GALNT18: variants seen among roughly 807,000 people sequenced by gnomAD.
The protein encoded by GALNT18 is GalNAc-transferase 18.
GALNT18 carries 44 observed loss-of-function variants against 69.5 expected under a neutral mutation model. The ratio of observed to expected loss-of-function variants is 0.63; its 90% CI spans 0.50 to 0.81. The LOEUF (loss-of-function observed/expected upper bound fraction) is 0.81, where lower values mean the gene tolerates loss of function less well. GALNT18 is among the 40% of genes least tolerant of loss of function. GALNT18 has a pLI of 0.00. For synonymous variants in GALNT18, 364 were observed against 318.2 expected (o/e 1.14, Z -1.53); for missense variants, 715 against 810.0 (o/e 0.88, Z 1.42).
intron 9 of GALNT18, among the ~76,000 whole-genome samples, chr11:11,306,515 A>C (rs1849581705): frequency 6.6e-6 from 1 of 152,116 alleles, no homozygotes; most frequent in Non-Finnish European, 1.5e-5. Flanking sequence ...GTCCCTGGGG[A>C]AAATATAACC....
At position 11,587,796 on chromosome 11, in the gene GALNT18, C is replaced by T. The variant is rs73413647; in HGVS notation, c.235+33563G>A. On this transcript the variant is annotated intron_variant, in intron 1 of 10. Coordinates refer to ENST00000227756, the MANE Select transcript of GALNT18 (RefSeq NM_198516.3). This position sits in a 1 kb window ranked among gnomAD's most constrained non-coding sequence, Gnocchi z 4.4. ...CAATGGTTGGTAAAGCCCACCCCAT[C>T]TCTAGCCCCCACCCTTTCATTTCAT... Among the ~76,000 whole-genome samples, 1 of 152,084 alleles carries T rather than the reference C, an allele frequency of 6.6e-6. No individual in the cohort carries two copies. The highest frequency in any genetic ancestry group is 2.4e-5 in the African/African-American group (1 of 41,410).
chr11:11,444,839 G>A lies in GALNT18; in HGVS notation c.428+3905C>T, dbSNP rs1855611076. 1.3e-5 allele frequency among the ~76,000 whole-genome samples: 2 copies of A among 152,094 alleles called. No homozygotes were observed. Among genetic ancestry groups the A allele is most frequent in the South Asian group, 4.1e-4 (2 of 4,820 alleles). ...TACAAGCAGCAGGAACAGAAGTCCC[G>A]AAGAGCAAACTGGAATTCACAAGAG... On this transcript the variant is annotated intron_variant, in intron 2 of 10. Coordinates refer to ENST00000227756, the MANE Select transcript of GALNT18 (RefSeq NM_198516.3). This position sits in a 1 kb window ranked among gnomAD's most constrained non-coding sequence, Gnocchi z 4.4.
At chr11:11,566,652 T>G (rs1359882568) in intron 1 of GALNT18, among the ~76,000 whole-genome samples, 1 of 152,216 alleles carries the variant, frequency 6.6e-6, no homozygotes, top group Admixed American at 6.5e-5. Context: ...GGCAAAATGT[T>G]AACAATGGTG....
intron 10 of GALNT18, among the ~76,000 whole-genome samples, chr11:11,284,284 AGACT>A (rs1222703989): frequency 7.2e-5 from 11 of 152,348 alleles, no homozygotes; most frequent in South Asian, 2.1e-4. Flanking sequence ...CGTGTGGTAC[AGACT>A]GACTGGCCTG....
At chr11:11,559,649 G>GGGATA (rs1858420670) in intron 1 of GALNT18, among the ~76,000 whole-genome samples, 1 of 144,812 alleles carries the variant, frequency 6.9e-6, no homozygotes, top group Non-Finnish European at 1.5e-5. Context: ...GGGATGCGAT[G>GGGATA]GGATGGGATG....
At chr11:11,576,934 G>C (rs1365888533) in intron 1 of GALNT18, among the ~76,000 whole-genome samples, 2 of 152,070 alleles carry the variant, frequency 1.3e-5, no homozygotes, top group Non-Finnish European at 2.9e-5. Context: ...GCTGGCTGAA[G>C]GCAGGCCTTC....
chr11:11,381,254 T>A (rs1853910259), intron 3 of GALNT18, among the ~76,000 whole-genome samples: 1 of 152,180 alleles, frequency 6.6e-6, no homozygotes, highest in Non-Finnish European at 1.5e-5. Context: ...TTTGAAAAAT[T>A]TAAATAGAGC....
In GALNT18 at chr11:11,435,802, C is replaced by T. The variant is rs1348334040; in HGVS notation, c.429-3015G>A. Among the ~76,000 whole-genome samples the T allele has an allele frequency of 6.6e-6, 1 of 152,208 alleles. No individual in the cohort carries two copies. Among genetic ancestry groups the T allele is most frequent in the Non-Finnish European group, 1.5e-5 (1 of 68,046 alleles). The stretch of plus-strand genomic sequence containing the variant: ...AGTCAGGTCCCGGTCCTCCCGCCGA[C>T]CAGCAGGCTCCTGTTCTCCCATCCT... On this transcript the variant is annotated intron_variant, in intron 2 of 10. Transcript: ENST00000227756. This position sits in a 1 kb window ranked among gnomAD's most constrained non-coding sequence, Gnocchi z 4.4.
intron 3 of GALNT18, among the ~76,000 whole-genome samples, chr11:11,392,613 C>A (rs1246113747): frequency 6.6e-6 from 1 of 152,090 alleles, no homozygotes; most frequent in Non-Finnish European, 1.5e-5. Flanking sequence ...AAGCGAAACT[C>A]CTTCTCAAAA....
rs1024920389 is a variant in GALNT18, at chr11:11,308,401, C to G, written c.1513-15208G>C. Among the ~76,000 whole-genome samples the G allele has an allele frequency of 5.3e-5, 8 of 152,298 alleles. 1 individual carries two copies. The highest frequency in any genetic ancestry group is 5.2e-4 in the Admixed American group (8 of 15,304). On this transcript the variant is annotated intron_variant, in intron 9 of 10. Coordinates refer to ENST00000227756, the MANE Select transcript of GALNT18 (RefSeq NM_198516.3). Reference sequence around the variant, plus strand: ...GGGGTTTCTTATCCTCACTCCACCCCTGATATGCTCTGTGCTTCGTCCCCA... The same window carrying G: ...GGGGTTTCTTATCCTCACTCCACCCGTGATATGCTCTGTGCTTCGTCCCCA...
intron 10 of GALNT18, among the ~76,000 whole-genome samples, chr11:11,285,910 A>G (rs1279742558): frequency 2.0e-5 from 3 of 152,302 alleles, no homozygotes; most frequent in Middle Eastern, 3.4e-3. Flanking sequence ...ATCAGAGCCA[A>G]TTGTCCCTTG....
At chr11:11,298,579 C>T (rs991657415) in intron 9 of GALNT18, among the ~76,000 whole-genome samples, 2 of 152,168 alleles carry the variant, frequency 1.3e-5, no homozygotes, top group African/African-American at 4.8e-5. Flanking sequence ...GAGCTTGGTC[C>T]CGAGGGCCAC....
At chr11:11,527,620 A>AT (rs11411128) in intron 1 of GALNT18, among the ~76,000 whole-genome samples, 138,126 of 152,156 alleles carry the variant, frequency 0.91, 62,774 homozygotes, top group Non-Finnish European at 0.93. Context: ...TTAAATATAT[A>AT]TTATACATTT....
In GALNT18 at chr11:11,459,620, G is replaced by A. The variant is rs940374788; in HGVS notation, c.236-10684C>T. Among the ~76,000 whole-genome samples, 4 of 152,202 alleles carry A rather than the reference G, an allele frequency of 2.6e-5. No individual in the cohort carries two copies. Among genetic ancestry groups the A allele is most frequent in the African/African-American group, 9.6e-5 (4 of 41,454 alleles). ...GGATTGGCTGTGTGACCCTCATCAAGCTCTTAAACCTCTCTGAAGCTCAGC... is the reference window on the plus strand; with the variant it reads ...GGATTGGCTGTGTGACCCTCATCAAACTCTTAAACCTCTCTGAAGCTCAGC... On this transcript the variant is annotated intron_variant, in intron 1 of 10. Transcript: ENST00000227756. This position sits in a 1 kb window ranked among gnomAD's most constrained non-coding sequence, Gnocchi z 5.0.
chr11:11,356,528 T>C lies in GALNT18; in HGVS notation c.1093-15524A>G, dbSNP rs574119239. Among the ~76,000 whole-genome samples the C allele has an allele frequency of 6.6e-6, 1 of 152,348 alleles. No homozygotes were observed. Among genetic ancestry groups the C allele is most frequent in the African/African-American group, 2.4e-5 (1 of 41,588 alleles). On this transcript the variant is annotated intron_variant, in intron 6 of 10. Coordinates refer to ENST00000227756, the MANE Select transcript of GALNT18 (RefSeq NM_198516.3). This position sits in a 1 kb window ranked among gnomAD's most constrained non-coding sequence, Gnocchi z 4.4. ...TTCCAAAATTCAGGAAATTAAACAT[T>C]GATACATGACTATTATCAAATCCCC...
rs1242684783 is a variant in GALNT18 at position 11,469,441 on chromosome 11, A to C, written c.236-20505T>G. On this transcript the variant is annotated intron_variant, in intron 1 of 10. Transcript: ENST00000227756. The surrounding 1 kb of genome is among the most constrained non-coding windows in gnomAD (Gnocchi z 4.2). ...CAGTACAGATCTCCATGGCAGAGAC[A>C]GGCTGCTGCAGGGCTCAACAGAAGC... 6.6e-6 allele frequency among the ~76,000 whole-genome samples: 1 copy of C among 152,210 alleles called. No homozygotes were observed. Among genetic ancestry groups the C allele is most frequent in the Non-Finnish European group, 1.5e-5 (1 of 68,036 alleles).
At chr11:11,608,534 A>AT (rs201490107) in intron 1 of GALNT18, among the ~76,000 whole-genome samples, 15,309 of 151,390 alleles carry the variant, frequency 0.1, 855 homozygotes, top group Middle Eastern at 0.18. Context: ...TAATTTTTGT[A>AT]TTTTTTTTAG....
chr11:11,518,381 T>A (rs967198839), intron 1 of GALNT18, among the ~76,000 whole-genome samples: 1 of 152,198 alleles, frequency 6.6e-6, no homozygotes, highest in Non-Finnish European at 1.5e-5. Flanking sequence ...TCGATTATGG[T>A]TTTGTTTAGT....
intron 1 of GALNT18, among the ~76,000 whole-genome samples, chr11:11,484,040 G>C (rs562494274): frequency 2.0e-5 from 3 of 152,110 alleles, no homozygotes; most frequent in Non-Finnish European, 4.4e-5. Flanking sequence ...CTGTGCGGGG[G>C]ACTTTCCATG....
Sources: gnomAD v4.1 joint callset for allele counts (sites outside exome capture counted in the v4.1 genomes callset) on GRCh38, gnomAD v4.1.1 for gene constraint, Gnocchi (gnomAD v3.1) non-coding constraint, MANE v1.5 for transcripts, NCBI Gene and HGNC (gene_info 2026-07-23, HGNC 2026-07-21) for gene names.